DPP10: variants seen among roughly 807,000 people sequenced by gnomAD.
DPP10 encodes the protein dipeptidyl peptidase like 10.
Under a neutral mutation model 120.9 loss-of-function variants are expected in DPP10, and 33 were observed. That is an observed-to-expected ratio of 0.27 (90% CI 0.21 to 0.37). The LOEUF (loss-of-function observed/expected upper bound fraction) is 0.37. Among genes scored for constraint, DPP10 ranks in the 10% least tolerant of loss-of-function variants. DPP10 has a pLI of 1.00. For synonymous variants in DPP10, 337 were observed against 326.1 expected, an observed-to-expected ratio of 1.03 and a Z score of -0.36; for missense variants, 816 against 942.8, an observed-to-expected ratio of 0.87 and a Z score of 1.76.
chr2:115,661,296 A>G (rs1188120515), intron 5 of DPP10, among the ~76,000 whole-genome samples: 1 of 152,136 alleles, frequency 6.6e-6, no homozygotes, highest in Admixed American at 6.6e-5. Context: ...TTGGTTTCCC[A>G]TCATCTTTGA....
At chr2:115,034,738 C>T (rs985068790) in intron 1 of DPP10, among the ~76,000 whole-genome samples, 1 of 152,162 alleles carries the variant, frequency 6.6e-6, no homozygotes, top group Non-Finnish European at 1.5e-5. Flanking sequence ...TCTCACTCTT[C>T]CTCACTTACT....
chr2:114,592,874 C>T (rs1377366327), intron 1 of DPP10, among the ~76,000 whole-genome samples: 1 of 152,124 alleles, frequency 6.6e-6, no homozygotes, highest in Admixed American at 6.5e-5. Context: ...TGAAGGTACA[C>T]CAGTCTCTAG....
intron 1 of DPP10, among the ~76,000 whole-genome samples, chr2:115,102,892 C>G (rs534582632): frequency 1.3e-5 from 2 of 152,280 alleles, no homozygotes; most frequent in Admixed American, 6.5e-5. Context: ...TATGTAACAA[C>G]AAACCCAAGG....
chr2:114,908,065 C>A (rs1160952731), intron 1 of DPP10, among the ~76,000 whole-genome samples: 1 of 151,762 alleles, frequency 6.6e-6, no homozygotes, highest in African/African-American at 2.4e-5. Context: ...TGCTTTGTAT[C>A]TCTGGTAATA....
intron 1 of DPP10, among the ~76,000 whole-genome samples, chr2:114,717,916 T>A (rs895043729): frequency 1.3e-5 from 2 of 152,216 alleles, no homozygotes; most frequent in Non-Finnish European, 2.9e-5. Context: ...ACACTTCTGA[T>A]GAGACATATT....
At chr2:114,512,814 G>T (rs1039322326) in intron 1 of DPP10, among the ~76,000 whole-genome samples, 1 of 152,190 alleles carries the variant, frequency 6.6e-6, no homozygotes, top group Non-Finnish European at 1.5e-5. Flanking sequence ...TGTAGATGTT[G>T]TCCTCATCAA....
chr2:114,550,363 C>T (rs1019568637), intron 1 of DPP10, among the ~76,000 whole-genome samples: 1 of 152,232 alleles, frequency 6.6e-6, no homozygotes, highest in Non-Finnish European at 1.5e-5. Flanking sequence ...AGATCATTTA[C>T]TCCTCAAATA....
chr2:114,464,351 C>A (rs1400617853), intron 1 of DPP10, among the ~76,000 whole-genome samples: 1 of 152,122 alleles, frequency 6.6e-6, no homozygotes, highest in East Asian at 1.9e-4. Flanking sequence ...ACAAATAATG[C>A]TGAGTATCTC....
intron 1 of DPP10, among the ~76,000 whole-genome samples, chr2:115,199,510 C>T (rs866530319): frequency 6.6e-6 from 1 of 152,038 alleles, no homozygotes; most frequent in Middle Eastern, 3.2e-3. Context: ...CTTATTTGAA[C>T]TACTAGTTCT....
intron 1 of DPP10, among the ~76,000 whole-genome samples, chr2:114,720,945 T>A (rs1701666431): frequency 6.6e-6 from 1 of 152,166 alleles, no homozygotes. Flanking sequence ...CTGTATAAAG[T>A]CATGTCTTGG....
chr2:114,601,528 A>G (rs543388530), intron 1 of DPP10, among the ~76,000 whole-genome samples: 12 of 152,034 alleles, frequency 7.9e-5, no homozygotes, highest in East Asian at 1.9e-4. Context: ...TGTTTCACAG[A>G]TACAACACTC....
rs896563162 is a variant in DPP10 at position 114,635,879 on chromosome 2, T to C, written c.60+193041T>C. Among the ~76,000 whole-genome samples, 63 of 152,040 alleles carry C rather than the reference T, an allele frequency of 4.1e-4. 1 individual carries two copies. Among genetic ancestry groups the C allele is most frequent in the African/African-American group, 1.4e-3 (57 of 41,326 alleles). ...ATAGTTTTTTAAAACATGAGGATAT[T>C]CCAAATGTTGACAGACTTCATTGCA... is the stretch of plus-strand genomic sequence containing the variant. On this transcript the variant is annotated intron_variant, in intron 1 of 25. Coordinates refer to ENST00000410059, the MANE Select transcript of DPP10 (RefSeq NM_020868.6).
intron 1 of DPP10, among the ~76,000 whole-genome samples, chr2:115,041,649 A>G (rs1454950994): frequency 6.6e-6 from 1 of 152,162 alleles, no homozygotes; most frequent in Non-Finnish European, 1.5e-5. Flanking sequence ...TTTGTATCAC[A>G]GTGGAGCCCA....
At chr2:114,823,462 A>G (rs758862451) in intron 1 of DPP10, among the ~76,000 whole-genome samples, 2 of 152,154 alleles carry the variant, frequency 1.3e-5, no homozygotes, top group Non-Finnish European at 2.9e-5. Context: ...TTAAAATTTT[A>G]TCTTATTCCA....
At position 114,725,713 on chromosome 2, in the gene DPP10, T is replaced by G. The variant is rs148613579; in HGVS notation, c.60+282875T>G. Among the ~76,000 whole-genome samples the G allele has an allele frequency of 5.3e-3, 805 of 152,352 alleles. 7 individuals carry two copies. Among genetic ancestry groups the G allele is most frequent in the African/African-American group, 0.018 (759 of 41,582 alleles). The stretch of plus-strand genomic sequence containing the variant: ...CCTAGAATAGATGTGATTATCCTCC[T>G]TATGTCTCTTTTACAGAAGAAGAAA... On this transcript the variant is annotated intron_variant, in intron 1 of 25. Coordinates refer to ENST00000410059, the MANE Select transcript of DPP10 (RefSeq NM_020868.6).
intron 1 of DPP10, among the ~76,000 whole-genome samples, chr2:114,670,558 A>T (rs1573932898): frequency 6.6e-6 from 1 of 152,240 alleles, no homozygotes; most frequent in South Asian, 2.1e-4. Context: ...GAGGGATAGC[A>T]TTAGGAGATA....
At chr2:114,864,711 T>C (rs866870311) in intron 1 of DPP10, among the ~76,000 whole-genome samples, 9 of 152,194 alleles carry the variant, frequency 5.9e-5, no homozygotes, top group African/African-American at 2.2e-4. Context: ...ACAGATTCAC[T>C]GGAGTTAAAT....
intron 1 of DPP10, among the ~76,000 whole-genome samples, chr2:115,307,185 T>C (rs547654867): frequency 1.3e-5 from 2 of 152,234 alleles, no homozygotes; most frequent in South Asian, 4.1e-4. Flanking sequence ...AAATCTAAAA[T>C]ATTTCAATAC....
chr2:114,994,942 T>G (rs1347783624), intron 1 of DPP10, among the ~76,000 whole-genome samples: 1 of 152,170 alleles, frequency 6.6e-6, no homozygotes, highest in Non-Finnish European at 1.5e-5. Context: ...AAGGAAAAAA[T>G]GCACCCAATT....
Sources: gnomAD v4.1 joint callset for allele counts (sites outside exome capture counted in the v4.1 genomes callset) on GRCh38, gnomAD v4.1.1 for gene constraint, MANE v1.5 for transcripts, NCBI Gene and HGNC (gene_info 2026-07-23, HGNC 2026-07-21) for gene names.